The following ZNF423 variants were observed in gnomAD, a reference collection of about 807,000 sequenced individuals.
The protein encoded by ZNF423 is Ebf-associated zinc finger protein.
Under a neutral mutation model 95.8 loss-of-function variants are expected in ZNF423, and 12 were observed. The observed-to-expected ratio is 0.13, with a 90% CI of 0.08 to 0.20. The LOEUF (loss-of-function observed/expected upper bound fraction) is 0.20, where lower values mean the gene tolerates loss of function less well. ZNF423 is among the 10% of genes least tolerant of loss of function. The probability of loss-of-function intolerance (pLI) is 1.00; values close to 1 mark genes in which losing one functional copy is unlikely to be tolerated. For synonymous variants in ZNF423, 749 were observed against 711.9 expected (o/e 1.05, Z -0.83); for missense variants, 1,316 against 1,737.1 (o/e 0.76, Z 4.31).
chr16:49,692,015 T>A (rs893689614), intron 3 of ZNF423, among the ~76,000 whole-genome samples: 1 of 151,892 alleles, frequency 6.6e-6, no homozygotes, highest in African/African-American at 2.4e-5. Flanking sequence ...AGTGGTGCAA[T>A]CGCGGCTCAC....
At chr16:49,742,774 C>A (rs551714877) in intron 2 of ZNF423, among the ~76,000 whole-genome samples, 1 of 152,016 alleles carries the variant, frequency 6.6e-6, no homozygotes, top group Non-Finnish European at 1.5e-5. Flanking sequence ...GATGCTGGGG[C>A]GCAAATCACC....
intron 3 of ZNF423, among the ~76,000 whole-genome samples, chr16:49,653,436 A>C (rs1309974479): frequency 6.6e-6 from 1 of 152,190 alleles, no homozygotes; most frequent in Non-Finnish European, 1.5e-5. Flanking sequence ...AAAACTATTA[A>C]GTATAGGTGA....
At chr16:49,750,052 T>A (rs2033604985) in intron 2 of ZNF423, among the ~76,000 whole-genome samples, 1 of 152,184 alleles carries the variant, frequency 6.6e-6, no homozygotes, top group Non-Finnish European at 1.5e-5. Flanking sequence ...CGTCAGCCCA[T>A]ACCTTGCCGA....
chr16:49,561,396 T>C (rs1970011831), intron 5 of ZNF423, among the ~76,000 whole-genome samples: 1 of 152,226 alleles, frequency 6.6e-6, no homozygotes, highest in Non-Finnish European at 1.5e-5. Context: ...TATAGATATA[T>C]ACACATATAT....
At position 49,523,637 on chromosome 16, in the gene ZNF423, T is replaced by A; in HGVS notation, c.3836A>T (p.Gln1279Leu). 1 of 1,614,164 alleles carries A rather than the reference T, an allele frequency of 6.2e-7. No individual in the cohort carries two copies. The highest frequency in any genetic ancestry group is 8.5e-7 in the Non-Finnish European group (1 of 1,180,024). Residue 1279 changes from glutamine (Q) to leucine (L), a missense_variant, in exon 7 of 8, where the codon CAG (glutamine) becomes CTG (leucine). By Grantham distance (113) the Gln-to-Leu change is moderately radical. Transcript: ENST00000563137. ...CSQCPQKFFF[Q>L]TELQNHTMSQ... ...GTGGGCACCCACCTGCAGCTCGGTC[T>A]GGAAGAAGAACTTCTGAGGGCACTG...
chr16:49,857,030 G>T (rs1263306801), upstream of ZNF423, among the ~76,000 whole-genome samples: 1 of 149,822 alleles, frequency 6.7e-6, no homozygotes, highest in African/African-American at 2.4e-5. This position sits in a 1 kb window ranked among gnomAD's most constrained non-coding sequence, Gnocchi z 6.2. Context: ...CCTCCCTCGC[G>T]CTCCTGTCTT....
chr16:49,636,589 G>C lies in ZNF423; in HGVS notation c.2587C>G (p.Pro863Ala), dbSNP rs1348159959. The C allele has an allele frequency of 6.2e-7, 1 of 1,613,832 alleles. No homozygotes were observed. The highest frequency in any genetic ancestry group is 1.1e-5 in the South Asian group (1 of 91,050). ...VPPMATKKAE[P>A]ADLQGMLLKN... ...AGCAGCATGCCCTGCAGGTCAGCAG[G>C]CTCAGCTTTCTTGGTGGCCATTGGG... Residue 863 changes from proline (P) to alanine (A), a missense_variant, in exon 4 of 8, where the codon CCT becomes GCT. By Grantham distance (27) the Pro-to-Ala change is conservative (BLOSUM62 -1). Transcript: ENST00000563137. The surrounding 1 kb of genome is among the most constrained non-coding windows in gnomAD (Gnocchi z 8.6).
intron 5 of ZNF423, among the ~76,000 whole-genome samples, chr16:49,548,743 CA>C (rs1462696194): frequency 6.6e-6 from 1 of 152,192 alleles, no homozygotes; most frequent in Non-Finnish European, 1.5e-5. Flanking sequence ...CGCTGCCAGG[CA>C]AGCCGTGCCT....
intron 5 of ZNF423, among the ~76,000 whole-genome samples, chr16:49,586,795 C>G (rs1418975556): frequency 1.3e-5 from 2 of 152,178 alleles, no homozygotes; most frequent in Non-Finnish European, 1.5e-5. Context: ...CAGGGAGAAC[C>G]GGGAGCTGGG....
intron 2 of ZNF423, among the ~76,000 whole-genome samples, chr16:49,773,073 CT>C (rs2034062096): frequency 6.6e-6 from 1 of 152,178 alleles, no homozygotes; most frequent in Admixed American, 6.5e-5. Context: ...AATCCCAGCA[CT>C]TTGGGAGGCC....
chr16:49,695,114 T>G (rs2031918891), intron 3 of ZNF423, among the ~76,000 whole-genome samples: 1 of 152,130 alleles, frequency 6.6e-6, no homozygotes, highest in Non-Finnish European at 1.5e-5. Flanking sequence ...TTACAGGTTT[T>G]GGTTTTTGTT....
At chr16:49,677,297 A>AAGGGAAGGGAAGGGAAGGGAAGGGAAGG (rs1567284051) in intron 3 of ZNF423, among the ~76,000 whole-genome samples, 1 of 78,272 alleles carries the variant, frequency 1.3e-5, no homozygotes, top group Non-Finnish European at 2.6e-5. Flanking sequence ...AGAAGAGAAG[A>AAGGGAAGGGAAGGGAAGGGAAGGGAAGG]GAAGAGAAGA....
intron 7 of ZNF423, among the ~76,000 whole-genome samples, chr16:49,509,152 C>CT (rs1354552769): frequency 2.6e-5 from 4 of 152,162 alleles, no homozygotes; most frequent in Admixed American, 6.5e-5. Context: ...CTCGCTAAGT[C>CT]GTCTAGCTGG....
intron 5 of ZNF423, among the ~76,000 whole-genome samples, chr16:49,600,566 T>C (rs926758701): frequency 4.6e-5 from 7 of 151,952 alleles, no homozygotes; most frequent in Non-Finnish European, 1.0e-4. Context: ...CAGTCTTCCA[T>C]GGCAAAAAGT....
In ZNF423 at chr16:49,561,564, T is replaced by C. The variant is rs577475316; in HGVS notation, c.3602-36070A>G. Among the ~76,000 whole-genome samples the C allele has an allele frequency of 5.9e-5, 9 of 152,318 alleles. No homozygotes were observed. The East Asian group carries it at 1.7e-3, about 29-fold the overall frequency. On this transcript the variant is annotated intron_variant, in intron 5 of 7. Coordinates refer to ENST00000563137, the MANE Select transcript of ZNF423 (RefSeq NM_001379286.1). ...TGTATGCTTTTATCATAAAAAAGCA[T>C]GAAAAACCAATCTGCTCTTCCAAAA...
intron 5 of ZNF423, among the ~76,000 whole-genome samples, chr16:49,578,276 T>C (rs1356625431): frequency 6.6e-6 from 1 of 152,214 alleles, no homozygotes; most frequent in East Asian, 1.9e-4. Flanking sequence ...AGCCTATCCA[T>C]AGCAGCTGGA....
At chr16:49,578,933 G>A (rs796387184) in intron 5 of ZNF423, among the ~76,000 whole-genome samples, 7 of 152,324 alleles carry the variant, frequency 4.6e-5, no homozygotes, top group African/African-American at 1.7e-4. Flanking sequence ...GGGACTGAGA[G>A]GGTGTGTGTG....
At position 49,787,143 on chromosome 16, in the gene ZNF423, T is replaced by C. The variant is rs114689051; in HGVS notation, c.100+2344A>G. ...ATGTGACATCGCCCACGTCCAGGGCTACCTCCCACACTGACTTCCGCCTGC... is the reference window on the plus strand; with the variant it reads ...ATGTGACATCGCCCACGTCCAGGGCCACCTCCCACACTGACTTCCGCCTGC... On this transcript the variant is annotated intron_variant, in intron 2 of 7. Transcript: ENST00000563137. 8.9e-3 allele frequency among the ~76,000 whole-genome samples: 1,353 copies of C among 152,276 alleles called. 22 individuals carry two copies. The highest frequency in any genetic ancestry group is 0.03 in the African/African-American group (1,248 of 41,564).
intron 5 of ZNF423, among the ~76,000 whole-genome samples, chr16:49,560,890 A>G (rs2151768145): frequency 6.6e-6 from 1 of 152,116 alleles, no homozygotes; most frequent in East Asian, 1.9e-4. Flanking sequence ...TTTTTCCTTT[A>G]GCACGTGGAA....
Sources: gnomAD v4.1 joint callset for allele counts (sites outside exome capture counted in the v4.1 genomes callset) on GRCh38, gnomAD v4.1.1 for gene constraint, Gnocchi (gnomAD v3.1) non-coding constraint, MANE v1.5 for transcripts, NCBI Gene and HGNC (gene_info 2026-07-23, HGNC 2026-07-21) for gene names.